Variants in DNER observed in about 807,000 individuals in gnomAD.
DNER encodes delta and Notch-like epidermal growth factor-related receptor.
In DNER, 33 loss-of-function variants were observed where a neutral mutation model predicts 78.2. The observed-to-expected ratio is 0.42, with a 90% confidence interval of 0.32 to 0.56. DNER has a LOEUF of 0.56. DNER is among the 20% of genes least tolerant of loss of function. The probability of loss-of-function intolerance (pLI) is 0.11; values close to 1 mark genes in which losing one functional copy is unlikely to be tolerated. For synonymous variants in DNER, 417 were observed against 384.8 expected, an observed-to-expected ratio of 1.08 and a Z score of -0.98; for missense variants, 918 against 975.3, an observed-to-expected ratio of 0.94 and a Z score of 0.78.
chr2:229,611,289 C>T (rs1293403345), intron 1 of DNER, among the ~76,000 whole-genome samples: 1 of 152,052 alleles, frequency 6.6e-6, no homozygotes, highest in African/African-American at 2.4e-5. Context: ...TAAAAAGAAC[C>T]ATTAGCAATG....
At chr2:229,410,618 A>G (rs1242267807) in intron 9 of DNER, among the ~76,000 whole-genome samples, 1 of 152,250 alleles carries the variant, frequency 6.6e-6, no homozygotes, top group Non-Finnish European at 1.5e-5. Flanking sequence ...AAGCAAAAAT[A>G]AACTGTAATT....
intron 4 of DNER, among the ~76,000 whole-genome samples, chr2:229,583,821 T>C (rs545028534): frequency 6.6e-6 from 1 of 152,340 alleles, no homozygotes; most frequent in East Asian, 1.9e-4. Flanking sequence ...TATCACACAA[T>C]TTCTGATTAT....
At chr2:229,694,315 T>C (rs1699629498) in intron 1 of DNER, among the ~76,000 whole-genome samples, 1 of 152,184 alleles carries the variant, frequency 6.6e-6, no homozygotes, top group African/African-American at 2.4e-5. Context: ...AAGGGAAATG[T>C]GGGGTCAGAG....
At chr2:229,667,993 T>C (rs1699122998) in intron 1 of DNER, among the ~76,000 whole-genome samples, 1 of 152,202 alleles carries the variant, frequency 6.6e-6, no homozygotes, top group African/African-American at 2.4e-5. Flanking sequence ...TGCTATGTTG[T>C]AGCTAACAAA....
At chr2:229,678,716 T>C (rs1291968698) in intron 1 of DNER, among the ~76,000 whole-genome samples, 1 of 152,178 alleles carries the variant, frequency 6.6e-6, no homozygotes, top group Non-Finnish European at 1.5e-5. Flanking sequence ...CTCTGGATTT[T>C]AGAGCCTTAG....
At chr2:229,422,948 G>T (rs1221017064) in intron 8 of DNER, among the ~76,000 whole-genome samples, 3 of 152,148 alleles carry the variant, frequency 2.0e-5, no homozygotes, top group African/African-American at 7.2e-5. Flanking sequence ...AGGAAGGTGG[G>T]TTAGCAGTGT....
At chr2:229,508,518 C>T (rs1695789863) in intron 6 of DNER, among the ~76,000 whole-genome samples, 4 of 152,060 alleles carry the variant, frequency 2.6e-5, no homozygotes, top group African/African-American at 9.7e-5. Context: ...TGCATGATAC[C>T]ATTTTTATAA....
rs115587631 is a variant in DNER, at chr2:229,368,635, G to A, written c.1856-1516C>T. Among the ~76,000 whole-genome samples, 857 of 152,306 alleles carry A rather than the reference G, an allele frequency of 5.6e-3. 6 individuals carry two copies. The highest frequency in any genetic ancestry group is 0.02 in the African/African-American group (820 of 41,556). On this transcript the variant is annotated intron_variant, in intron 11 of 12. Coordinates refer to ENST00000341772, the MANE Select transcript of DNER (RefSeq NM_139072.4). The stretch of plus-strand genomic sequence containing the variant: ...ATTGAAAAGGTCAAAAGGATAGTAT[G>A]ATAATGATGGCAAACATATATTGAT...
chr2:229,393,570 G>C (rs1693065309), intron 10 of DNER, among the ~76,000 whole-genome samples: 1 of 152,094 alleles, frequency 6.6e-6, no homozygotes, highest in Admixed American at 6.5e-5. Context: ...AGTAGAAGCT[G>C]AGCACAGTGG....
At chr2:229,424,838 C>G (rs1693839672) in intron 8 of DNER, among the ~76,000 whole-genome samples, 1 of 152,116 alleles carries the variant, frequency 6.6e-6, no homozygotes. Context: ...GGGAGCTTCC[C>G]TGTGCACTGT....
At chr2:229,672,146 C>T (rs760709046) in intron 1 of DNER, among the ~76,000 whole-genome samples, 2 of 152,140 alleles carry the variant, frequency 1.3e-5, no homozygotes, top group Admixed American at 6.6e-5. Context: ...GTCAGGGGCT[C>T]GGCAGGAATA....
intron 6 of DNER, among the ~76,000 whole-genome samples, chr2:229,498,569 T>C (rs1222366290): frequency 2.6e-5 from 4 of 152,172 alleles, no homozygotes; most frequent in South Asian, 2.1e-4. Flanking sequence ...TCAGTAAATA[T>C]GGAGGATACA....
chr2:229,661,373 G>T (rs1051100381), intron 1 of DNER, among the ~76,000 whole-genome samples: 4 of 152,120 alleles, frequency 2.6e-5, no homozygotes, highest in Non-Finnish European at 4.4e-5. Flanking sequence ...ATGTTCCGGG[G>T]CTTTCCATGG....
intron 8 of DNER, among the ~76,000 whole-genome samples, chr2:229,424,906 C>T (rs1378831138): frequency 1.3e-5 from 2 of 152,136 alleles, no homozygotes. Context: ...TACCATCCTT[C>T]CCAGGTGTAA....
intron 5 of DNER, among the ~76,000 whole-genome samples, chr2:229,533,054 A>C (rs1353624187): frequency 6.6e-6 from 1 of 152,238 alleles, no homozygotes; most frequent in Non-Finnish European, 1.5e-5. Flanking sequence ...GAAGCCATTC[A>C]AAGAATCACC....
chr2:229,600,241 C>A (rs1697803265), intron 1 of DNER, among the ~76,000 whole-genome samples: 1 of 152,232 alleles, frequency 6.6e-6, no homozygotes, highest in South Asian at 2.1e-4. Flanking sequence ...ACCACAGCCA[C>A]CTGTTTATGT....
intron 9 of DNER, among the ~76,000 whole-genome samples, chr2:229,417,532 G>T (rs560857930): frequency 1.3e-5 from 2 of 152,164 alleles, no homozygotes; most frequent in South Asian, 2.1e-4. Flanking sequence ...TAGGAACCAC[G>T]CTGACCAGGC....
chr2:229,456,198 G>A (rs1694568764), intron 7 of DNER, among the ~76,000 whole-genome samples: 1 of 151,852 alleles, frequency 6.6e-6, no homozygotes, highest in Non-Finnish European at 1.5e-5. Context: ...GGGAAAGCTG[G>A]CGTATCACAG....
chr2:229,610,408 A>C (rs1698024390), intron 1 of DNER, among the ~76,000 whole-genome samples: 1 of 152,224 alleles, frequency 6.6e-6, no homozygotes, highest in South Asian at 2.1e-4. Flanking sequence ...TTCTTAACTG[A>C]GACCCGCATT....
Sources: allele counts gnomAD v4.1 joint callset (sites outside exome capture counted in the v4.1 genomes callset), GRCh38; gene constraint gnomAD v4.1.1; transcripts MANE v1.5; gene names NCBI Gene and HGNC (gene_info 2026-07-23, HGNC 2026-07-21).